The following OPA1 variants were observed in gnomAD, a reference collection of about 807,000 sequenced individuals.
The protein encoded by OPA1 is dynamin-like GTPase OPA1, mitochondrial.
Under a neutral mutation model 152.9 loss-of-function variants are expected in OPA1, and 59 were observed. The ratio of observed to expected loss-of-function variants is 0.39; its 90% CI spans 0.31 to 0.48. The LOEUF is 0.48. Among genes scored for constraint, OPA1 ranks in the 20% least tolerant of loss-of-function variants. The pLI is 0.96. For missense variants in OPA1, 1,008 were observed against 1,216.8 expected (o/e 0.83, Z 2.55); for synonymous variants, 400 against 389.9 (o/e 1.03, Z -0.31).
chr3:193,613,303 A>G (rs1728531442), intron 1 of OPA1, among the ~76,000 whole-genome samples: 2 of 152,160 alleles, frequency 1.3e-5, no homozygotes, highest in South Asian at 4.1e-4. Context: ...CAAGAACACA[A>G]ATATAGAAGT....
At position 193,637,948 on chromosome 3, in the gene OPA1, GA is replaced by G; in HGVS notation, c.1036-2del. ...TGAATAAGTGTTCTTTGTTTTGTGG[GA>G]AGGTTGTTGTGGTTGGAGATCAGAG... On this transcript the variant is annotated splice_region_variant and splice_polypyrimidine_tract_variant and intron_variant, in intron 10 of 30. Transcript: ENST00000361510. The G allele has an allele frequency of 6.2e-7, 1 of 1,608,812 alleles. No homozygotes were observed. The highest frequency in any genetic ancestry group is 8.5e-7 in the Non-Finnish European group (1 of 1,175,196).
chr3:193,626,074 A>C lies in OPA1; in HGVS notation c.679-18A>C. On this transcript the variant is annotated intron_variant, in intron 6 of 30. Coordinates refer to ENST00000361510, the MANE Select transcript of OPA1 (RefSeq NM_130837.3). ...TCCTCCCCAATTTCCTCTTCTCCTC[A>C]TTGTGAACTCGTGGCAGGGTCTGCT... 1 of 1,593,202 alleles carries C rather than the reference A, an allele frequency of 6.3e-7. No homozygotes were observed. The highest frequency in any genetic ancestry group is 8.6e-7 in the Non-Finnish European group (1 of 1,161,000).
chr3:193,604,641 A>G (rs1213265952), intron 1 of OPA1, among the ~76,000 whole-genome samples: 1 of 151,934 alleles, frequency 6.6e-6, no homozygotes, highest in East Asian at 1.9e-4. Flanking sequence ...CAGGCGGATC[A>G]CCTGAGGTCG....
At chr3:193,688,589 T>C (rs1200847337) in intron 29 of OPA1, among the ~76,000 whole-genome samples, 1 of 150,632 alleles carries the variant, frequency 6.6e-6, no homozygotes, top group Admixed American at 6.7e-5. Context: ...CTGAAATGCG[T>C]CTTATTTTAA....
intron 27 of OPA1, among the ~76,000 whole-genome samples, chr3:193,665,347 T>C (rs1053700747): frequency 1.3e-5 from 2 of 152,080 alleles, no homozygotes; most frequent in Non-Finnish European, 2.9e-5. Flanking sequence ...TTTTCAACTT[T>C]TTCTGTACAT....
At chr3:193,648,340 G>A (rs1036500321) in intron 20 of OPA1, 5 of 488,282 alleles carry the variant, frequency 1.0e-5, no homozygotes, top group East Asian at 3.6e-5. Flanking sequence ...TGGATTATAA[G>A]ATGTCAAAAC....
At chr3:193,683,273 C>CTT (rs35730104) in intron 29 of OPA1, among the ~76,000 whole-genome samples, 2,416 of 140,684 alleles carry the variant, frequency 0.017, 73 homozygotes, top group African/African-American at 0.059. Flanking sequence ...TTTCTTTTTT[C>CTT]TTTTTTTTTT....
intron 1 of OPA1, among the ~76,000 whole-genome samples, chr3:193,596,361 CTTAATTTT>C (rs1725548854): frequency 2.1e-5 from 1 of 46,970 alleles, no homozygotes; most frequent in Admixed American, 2.8e-4. Flanking sequence ...CTTTTCTTTT[CTTAATTTT>C]CTTTTCTTTT....
chr3:193,631,009 A>G (rs1373773307), intron 7 of OPA1, among the ~76,000 whole-genome samples: 2 of 152,184 alleles, frequency 1.3e-5, no homozygotes, highest in Non-Finnish European at 2.9e-5. Context: ...GTTACGAGTT[A>G]GCAGATCTTT....
chr3:193,600,959 G>A (rs1726364997), intron 1 of OPA1, among the ~76,000 whole-genome samples: 1 of 152,090 alleles, frequency 6.6e-6, no homozygotes, highest in Admixed American at 6.5e-5. Context: ...CAGAATCAGG[G>A]GAGGGATTAG....
intron 10 of OPA1, 95 bp downstream of exon 10, chr3:193,637,376 AT>A: frequency 1.4e-6 from 1 of 699,404 alleles, no homozygotes; most frequent in Non-Finnish European, 2.6e-6. Flanking sequence ...ACATACACAT[AT>A]ATACATACTA....
At chr3:193,652,851 T>C (rs771446467) in intron 21 of OPA1, among the ~76,000 whole-genome samples, 3 of 152,010 alleles carry the variant, frequency 2.0e-5, no homozygotes, top group Non-Finnish European at 2.9e-5. Flanking sequence ...CATCTGTGGA[T>C]GTCAAAGCAG....
chr3:193,667,132 A>G lies in OPA1; in HGVS notation c.2873-38A>G, dbSNP rs900349999. 10 of 952,236 alleles carry G rather than the reference A, an allele frequency of 1.1e-5. No individual in the cohort carries two copies. In the Middle Eastern group the frequency reaches 6.3e-4, roughly 60 times the overall value. The allele number at this position is 952,236 out of a possible 1,614,324, so 59.0% of individuals were successfully genotyped here. A position where few individuals can be genotyped will look rare whatever the true frequency, so the allele number is the denominator to read the frequency against. On this transcript the variant is annotated intron_variant, in intron 28 of 30. Transcript: ENST00000361510. Reference sequence around the variant, plus strand: ...TTTATCATCTTTATTCATTTATAAAAACGATGCTCCTCAGGTTTTTTAACT... The same window carrying G: ...TTTATCATCTTTATTCATTTATAAAGACGATGCTCCTCAGGTTTTTTAACT...
At chr3:193,691,207 T>G (rs960309534) in intron 29 of OPA1, among the ~76,000 whole-genome samples, 15 of 152,196 alleles carry the variant, frequency 9.9e-5, no homozygotes, top group Admixed American at 6.5e-4. Context: ...GGCGACAGAG[T>G]AGGACCCCCA....
chr3:193,665,113 A>AT, intron 27 of OPA1, 117 bp downstream of exon 27: 2 of 665,054 alleles, frequency 3.0e-6, no homozygotes. Flanking sequence ...GGGGAAAAAA[A>AT]GTATGTGTAA....
chr3:193,647,615 G>C (rs996402843), intron 19 of OPA1, among the ~76,000 whole-genome samples: 1 of 152,172 alleles, frequency 6.6e-6, no homozygotes, highest in African/African-American at 2.4e-5. Flanking sequence ...TTTCCCATAT[G>C]TAAATCCTAC....
At chr3:193,666,697 G>A (rs1165026275) in intron 28 of OPA1, among the ~76,000 whole-genome samples, 1 of 152,100 alleles carries the variant, frequency 6.6e-6, no homozygotes, top group African/African-American at 2.4e-5. Context: ...GCTGAGATGG[G>A]AGGATCACTT....
intron 1 of OPA1, among the ~76,000 whole-genome samples, chr3:193,601,305 G>A (rs2108796608): frequency 6.6e-6 from 1 of 152,184 alleles, no homozygotes; most frequent in East Asian, 1.9e-4. Flanking sequence ...TTCAGTTATT[G>A]ATCATTTTGG....
At chr3:193,674,789 G>A (rs1044234665) in intron 29 of OPA1, among the ~76,000 whole-genome samples, 3 of 152,130 alleles carry the variant, frequency 2.0e-5, no homozygotes, top group Non-Finnish European at 4.4e-5. Context: ...TGAGAATATC[G>A]TCTGTGAAGT....
Sources: allele counts gnomAD v4.1 joint callset (sites outside exome capture counted in the v4.1 genomes callset), GRCh38; gene constraint gnomAD v4.1.1; transcripts MANE v1.5; gene names NCBI Gene and HGNC (gene_info 2026-07-23, HGNC 2026-07-21).